The following PDE4D variants were observed in gnomAD, a reference collection of about 807,000 sequenced individuals.
The protein encoded by PDE4D is phosphodiesterase 4D.
Under a neutral mutation model 87.4 loss-of-function variants are expected in PDE4D, and 24 were observed. That is an observed-to-expected ratio of 0.27 (90% CI 0.20 to 0.39). The LOEUF is 0.39. Ranked by LOEUF, PDE4D falls within the 10% of genes least tolerant of loss-of-function variation. The probability of loss-of-function intolerance (pLI) is 1.00; values close to 1 mark genes in which losing one functional copy is unlikely to be tolerated. For synonymous variants in PDE4D, 384 were observed against 383.2 expected (o/e 1.00, Z -0.02); for missense variants, 714 against 1,041.0 (o/e 0.69, Z 4.32).
chr5:59,787,116 A>T (rs1015864961), intron 1 of PDE4D, among the ~76,000 whole-genome samples: 5 of 152,224 alleles, frequency 3.3e-5, no homozygotes, highest in Non-Finnish European at 7.3e-5. Flanking sequence ...CCATAACGTT[A>T]TAACAAAAGT....
rs537877348 is a variant in PDE4D, at chr5:59,331,025, G to A, written c.456-115057C>T. On this transcript the variant is annotated intron_variant, in intron 1 of 14. Transcript: ENST00000340635. ...CCCAGTTTCCAGTCTTGAGAGCTCCGTTATCACTGACCCTCTGTCTCCTGA... is the reference window on the plus strand; with the variant it reads ...CCCAGTTTCCAGTCTTGAGAGCTCCATTATCACTGACCCTCTGTCTCCTGA... 1.2e-4 allele frequency among the ~76,000 whole-genome samples: 19 copies of A among 152,202 alleles called. 1 individual carries two copies. The South Asian group carries it at 3.7e-3, about 30-fold the overall frequency.
intron 2 of PDE4D, among the ~76,000 whole-genome samples, chr5:60,092,141 T>C (rs1775209356): frequency 6.6e-6 from 1 of 151,756 alleles, no homozygotes; most frequent in Non-Finnish European, 1.5e-5. Context: ...TGAAATTCTG[T>C]TATTTGCAAC....
intron 3 of PDE4D, among the ~76,000 whole-genome samples, chr5:59,981,971 A>G (rs1034973107): frequency 2.6e-5 from 4 of 152,168 alleles, no homozygotes; most frequent in Admixed American, 6.5e-5. Flanking sequence ...GTGGTTAGTC[A>G]AAGAATCCAA....
intron 5 of PDE4D, among the ~76,000 whole-genome samples, chr5:59,171,736 T>G (rs1371294102): frequency 6.8e-6 from 1 of 147,070 alleles, no homozygotes; most frequent in African/African-American, 2.5e-5. Flanking sequence ...CAGGGAGCAT[T>G]TCCTAGGTAG....
intron 1 of PDE4D, among the ~76,000 whole-genome samples, chr5:59,736,879 G>A (rs146138665): frequency 1.3e-5 from 2 of 152,078 alleles, no homozygotes; most frequent in African/African-American, 2.4e-5. Context: ...GGATTATAAC[G>A]GTTTTAAAAT....
intron 1 of PDE4D, among the ~76,000 whole-genome samples, chr5:60,485,489 A>G (rs1359907636): frequency 2.0e-5 from 3 of 152,180 alleles, no homozygotes; most frequent in African/African-American, 4.8e-5. Context: ...AGGTAGTGTT[A>G]ATAGTCTCCA....
At chr5:59,536,329 C>A (rs1185724109) in intron 1 of PDE4D, among the ~76,000 whole-genome samples, 2 of 151,540 alleles carry the variant, frequency 1.3e-5, no homozygotes, top group African/African-American at 4.9e-5. Flanking sequence ...CACGATGAAA[C>A]CCTGTCTCTA....
chr5:59,678,571 T>G (rs571467433), intron 1 of PDE4D, among the ~76,000 whole-genome samples: 1 of 152,298 alleles, frequency 6.6e-6, no homozygotes, highest in South Asian at 2.1e-4. Flanking sequence ...GTTCAAGCAC[T>G]TCTCCTGCCT....
chr5:59,958,228 CTT>C (rs1759072088), intron 3 of PDE4D, among the ~76,000 whole-genome samples: 1 of 152,094 alleles, frequency 6.6e-6, no homozygotes, highest in Admixed American at 6.6e-5. Context: ...CATCATTAAA[CTT>C]TGATATTATT....
intron 1 of PDE4D, among the ~76,000 whole-genome samples, chr5:59,635,463 T>C (rs1272819706): frequency 1.3e-5 from 2 of 152,224 alleles, no homozygotes; most frequent in Non-Finnish European, 2.9e-5. Flanking sequence ...CAAATATCCT[T>C]GATGAACATC....
chr5:60,038,884 G>A (rs1339752177), intron 2 of PDE4D, among the ~76,000 whole-genome samples: 1 of 151,508 alleles, frequency 6.6e-6, no homozygotes, highest in African/African-American at 2.4e-5. Flanking sequence ...AAACCACAAT[G>A]AGATACCATC....
chr5:59,437,414 A>T (rs1796938794), intron 1 of PDE4D, among the ~76,000 whole-genome samples: 1 of 152,196 alleles, frequency 6.6e-6, no homozygotes. Flanking sequence ...AGAATTTCCA[A>T]CAGTAGGAAC....
chr5:60,213,462 G>A (rs1743485844), intron 1 of PDE4D, among the ~76,000 whole-genome samples: 1 of 152,108 alleles, frequency 6.6e-6, no homozygotes. Context: ...GCAGCCTTCT[G>A]GGATGATTCT....
intron 2 of PDE4D, among the ~76,000 whole-genome samples, chr5:60,036,235 AG>A (rs1767786422): frequency 6.6e-6 from 1 of 152,242 alleles, no homozygotes; most frequent in Admixed American, 6.5e-5. Flanking sequence ...AGGTACACAT[AG>A]CTTAAAATAT....
chr5:60,235,552 T>C (rs1746328073), intron 1 of PDE4D, among the ~76,000 whole-genome samples: 1 of 151,694 alleles, frequency 6.6e-6, no homozygotes, highest in South Asian at 2.1e-4. Context: ...CATCTCTTAC[T>C]CTAAACTCAA....
chr5:59,878,497 C>T (rs1020014018), intron 1 of PDE4D, among the ~76,000 whole-genome samples: 2 of 152,222 alleles, frequency 1.3e-5, no homozygotes, highest in Non-Finnish European at 2.9e-5. Context: ...TTTTCAAATA[C>T]AGGTGGGATG....
At chr5:59,572,908 C>T (rs916124445) in intron 1 of PDE4D, among the ~76,000 whole-genome samples, 11 of 152,212 alleles carry the variant, frequency 7.2e-5, no homozygotes, top group African/African-American at 2.7e-4. Flanking sequence ...ATATCAAACA[C>T]ACTAAGTTGA....
At chr5:59,388,207 T>C (rs382411) in intron 1 of PDE4D, among the ~76,000 whole-genome samples, 82,671 of 151,882 alleles carry the variant, frequency 0.54, 23,906 homozygotes, top group African/African-American at 0.74. Context: ...TCTAAACAGA[T>C]GTTTCTCAAA....
upstream of PDE4D, among the ~76,000 whole-genome samples, chr5:59,897,015 T>G (rs1472647171): frequency 2.0e-5 from 3 of 152,232 alleles, no homozygotes; most frequent in African/African-American, 7.2e-5. Context: ...TGGAGTTTTA[T>G]GGGCACAGTC....
Sources: allele counts gnomAD v4.1 joint callset (sites outside exome capture counted in the v4.1 genomes callset), GRCh38; gene constraint gnomAD v4.1.1; transcripts MANE v1.5; gene names NCBI Gene and HGNC (gene_info 2026-07-23, HGNC 2026-07-21).